Variants in LRP1 observed in about 807,000 individuals in gnomAD.
The protein encoded by LRP1 is prolow-density lipoprotein receptor-related protein 1.
In LRP1, 51 loss-of-function variants were observed where a neutral mutation model predicts 541.5. The observed-to-expected ratio is 0.09, with a 90% CI of 0.08 to 0.12. The LOEUF (loss-of-function observed/expected upper bound fraction) is 0.12, where lower values mean the gene tolerates loss of function less well. Among genes scored for constraint, LRP1 ranks in the 10% least tolerant of loss-of-function variants. The pLI, the probability that LRP1 is intolerant of heterozygous loss-of-function variation, is 1.00. For synonymous variants in LRP1, 2,219 were observed against 2,470.8 expected (o/e 0.90, Z 3.02); for missense variants, 3,878 against 6,376.2 (o/e 0.61, Z 13.34).
rs759708060 is a variant in LRP1 at position 57,195,393 on chromosome 12, G to A, written c.8431G>A (p.Gly2811Ser). 3 of 1,606,584 alleles carry A rather than the reference G, an allele frequency of 1.9e-6. No individual in the cohort carries two copies. The highest frequency in any genetic ancestry group is 2.2e-5 in the South Asian group (2 of 91,060). Residue 2811 changes from glycine (G) to serine (S), a missense_variant, in exon 52 of 89, where the codon GGT (glycine) becomes AGT (serine). Gly to Ser is a moderately conservative substitution (Grantham distance 56). Coordinates refer to ENST00000243077, the MANE Select transcript of LRP1 (RefSeq NM_002332.3). ...TGGTGCAGACGAGAGCATCGCAGCT[G>A]GTTGCTGTGAGTGGCGGGGCCACGT... ...ADGADESIAA[G>S]CLYNSTCDDR...
Position 57,194,461 on chromosome 12 carries a change from G to A in LRP1, c.8026G>A (p.Ala2676Thr), listed in dbSNP as rs753357317. The change falls in exon 49 of 89, where the codon GCC (alanine) becomes ACC (threonine). Residue 2676 changes from alanine (A) to threonine (T), a missense_variant. This residue lies in a region of LRP1 where 1,100 missense variants were observed against 1,827.4 expected (regional missense o/e 0.60). Coordinates refer to ENST00000243077, the MANE Select transcript of LRP1 (RefSeq NM_002332.3). ...CYAPSWVCDG[A>T]NDCGDYSDER... is the part of the protein sequence containing the mutation. ...CGCACCCAGCTGGGTGTGTGATGGCGCCAATGACTGTGGGGACTACAGTGA... is the reference window on the plus strand; with the variant it reads ...CGCACCCAGCTGGGTGTGTGATGGCACCAATGACTGTGGGGACTACAGTGA... 3.5e-5 allele frequency: 55 copies of A among 1,572,748 alleles called. No individual in the cohort carries two copies. The highest frequency in any genetic ancestry group is 4.6e-5 in the Non-Finnish European group (53 of 1,158,244).
chr12:57,175,970 C>T lies in LRP1; in HGVS notation c.3855C>T (p.His1285=). ...ATGAAATCCGGCGCATCGATCTTCACAAAGGAGACTACAGCGTCCTGGTGC... is the reference window on the plus strand; with the variant it reads ...ATGAAATCCGGCGCATCGATCTTCATAAAGGAGACTACAGCGTCCTGGTGC... ...NRHEIRRIDL[H]KGDYSVLVPG... The change falls in exon 24 of 89, where the codon CAC becomes CAT. Residue 1285 remains histidine (H), a synonymous_variant. Transcript: ENST00000243077. The T allele has an allele frequency of 6.2e-7, 1 of 1,614,264 alleles. No homozygotes were observed.
chr12:57,167,580 A>C, intron 19 of LRP1, 56 bp downstream of exon 19: 2 of 1,457,500 alleles, frequency 1.4e-6, no homozygotes, highest in Non-Finnish European at 1.9e-6. Flanking sequence ...GGCTACAGCC[A>C]GGCCCTCCAG....
At position 57,205,583 on chromosome 12, in the gene LRP1, C is replaced by T. The variant is rs138700045; in HGVS notation, c.11496C>T (p.Gly3832=). The T allele has an allele frequency of 3.3e-4, 537 of 1,614,014 alleles. No individual in the cohort carries two copies. In the African/African-American group the frequency reaches 6.6e-3, roughly 20 times the overall value. The change falls in exon 75 of 89, where the codon GGC becomes GGT. Residue 3832 remains glycine (G), a synonymous_variant. Transcript: ENST00000243077. The surrounding 1 kb of genome is among the most constrained non-coding windows in gnomAD (Gnocchi z 4.6). ...ACATCAACGAGTGCCTGCGCTTCGGCACCTGCTCCCAGCTCTGCAACAACA... is the reference window on the plus strand; with the variant it reads ...ACATCAACGAGTGCCTGCGCTTCGGTACCTGCTCCCAGCTCTGCAACAACA... ...CQDINECLRF[G]TCSQLCNNTK...
At chr12:57,191,972 CATGACACAT>C (rs2036415033) in intron 44 of LRP1, among the ~76,000 whole-genome samples, 21 of 75,604 alleles carry the variant, frequency 2.8e-4, no homozygotes, top group South Asian at 5.0e-4. Flanking sequence ...ACACACCACA[CATGACACAT>C]ACACACCACA....
Position 57,204,696 on chromosome 12 carries a change from G to A in LRP1, c.11141G>A (p.Arg3714His), listed in dbSNP as rs768578558. Residue 3714 changes from arginine to histidine, a missense_variant, in exon 72 of 89, where the codon CGC (arginine) becomes CAC (histidine). By Grantham distance (29) the Arg-to-His change is conservative. Around this residue, in one of 13 missense-constraint regions of LRP1, gnomAD observed 871 missense variants for 1,212.4 expected, o/e 0.72. Transcript: ENST00000243077. The surrounding 1 kb of genome is among the most constrained non-coding windows in gnomAD (Gnocchi z 5.3). ...GACCGCGTCTGTCTGTGGATCGGGC[G>A]CCAATGCGATGGCACGGACAACTGT... ...KNDRVCLWIG[R>H]QCDGTDNCGD... is the part of the protein sequence containing the mutation. 2.3e-5 allele frequency: 37 copies of A among 1,614,046 alleles called. No homozygotes were observed. The highest frequency in any genetic ancestry group is 2.8e-5 in the Non-Finnish European group (33 of 1,180,010).
Position 57,165,992 on chromosome 12 carries a change from G to A in LRP1, c.2671+47G>A, listed in dbSNP as rs1432362112. On this transcript the variant is annotated intron_variant, in intron 16 of 88. Coordinates refer to ENST00000243077, the MANE Select transcript of LRP1 (RefSeq NM_002332.3). This position sits in a 1 kb window ranked among gnomAD's most constrained non-coding sequence, Gnocchi z 4.5. ...ACCCTGTTGGATGGCAGGCCTGCAGGGCAGCTCGGCTCTGGCAGTGCCTAT... is the reference window on the plus strand; with the variant it reads ...ACCCTGTTGGATGGCAGGCCTGCAGAGCAGCTCGGCTCTGGCAGTGCCTAT... 1 of 1,612,380 alleles carries A rather than the reference G, an allele frequency of 6.2e-7. No homozygotes were observed. Among genetic ancestry groups the A allele is most frequent in the East Asian group, 2.2e-5 (1 of 44,838 alleles).
At position 57,154,045 on chromosome 12, in the gene LRP1, G is replaced by C. The variant is rs572888478; in HGVS notation, c.842-163G>C. ...AGTCAACCAGCCAGCCAGCATTTAC[G>C]CAAGCCCTCCTGTATATCCACTCTG... On this transcript the variant is annotated intron_variant, in intron 6 of 88. Transcript: ENST00000243077. This position sits in a 1 kb window ranked among gnomAD's most constrained non-coding sequence, Gnocchi z 4.6. Among the ~76,000 whole-genome samples, 3 of 152,116 alleles carry C rather than the reference G, an allele frequency of 2.0e-5. No homozygotes were observed.
In LRP1 at chr12:57,166,973, C is replaced by T; in HGVS notation, c.2841C>T (p.Arg947=). The T allele has an allele frequency of 1.9e-6, 3 of 1,614,196 alleles. No homozygotes were observed. Among genetic ancestry groups the T allele is most frequent in the Non-Finnish European group, 2.5e-6 (3 of 1,180,024 alleles). The change falls in exon 18 of 89, where the codon CGC becomes CGT. Residue 947 remains arginine (R), a synonymous_variant. Coordinates refer to ENST00000243077, the MANE Select transcript of LRP1 (RefSeq NM_002332.3). Reference sequence around the variant, plus strand: ...ACCAGTTCTCCTGTGCCAGTGGCCGCTGCATCCCCATCTCCTGGACGTGTG... The same window carrying T: ...ACCAGTTCTCCTGTGCCAGTGGCCGTTGCATCCCCATCTCCTGGACGTGTG... ...PPNQFSCASG[R]CIPISWTCDL...
intron 77 of LRP1, 163 bp downstream of exon 77, chr12:57,208,379 C>T (rs2036833224): frequency 2.7e-6 from 2 of 740,042 alleles, no homozygotes; most frequent in East Asian, 5.4e-5. Context: ...GCCTGGCCCT[C>T]CCCATGCTGC....
chr12:57,160,747 T>C, intron 12 of LRP1, 146 bp from the exon 13 acceptor site: 2 of 617,188 alleles, frequency 3.2e-6, no homozygotes, highest in Non-Finnish European at 2.9e-6. Flanking sequence ...TTGAATGGAG[T>C]GAATGAATGA....
Position 57,162,242 on chromosome 12 carries a change from A to G in LRP1, c.2203-75A>G, listed in dbSNP as rs1028619259. The G allele has an allele frequency of 1.6e-6, 2 of 1,237,200 alleles. No homozygotes were observed. Among genetic ancestry groups the G allele is most frequent in the Non-Finnish European group, 2.4e-6 (2 of 841,060 alleles). 76.6% of individuals were successfully genotyped at this position (1,237,200 alleles called of 1,614,324 possible). The stretch of plus-strand genomic sequence containing the variant: ...CCATGCCCAGGACATAGACAAATGA[A>G]TGTACAAAACAGTGATCTCACAGGC... On this transcript the variant is annotated intron_variant, in intron 13 of 88. Coordinates refer to ENST00000243077, the MANE Select transcript of LRP1 (RefSeq NM_002332.3). This position sits in a 1 kb window ranked among gnomAD's most constrained non-coding sequence, Gnocchi z 5.2.
chr12:57,149,389 C>T (rs1308847902), intron 6 of LRP1: 1 of 546,934 alleles, frequency 1.8e-6, no homozygotes, highest in Non-Finnish European at 3.2e-6. Context: ...AGCCCTGTGT[C>T]TCCCGGCCCA....
Position 57,212,686 on chromosome 12 carries a change from AT to A in LRP1, c.*135del. The A allele has an allele frequency of 2.0e-6, 2 of 992,802 alleles. No homozygotes were observed. Among genetic ancestry groups the A allele is most frequent in the Non-Finnish European group, 2.9e-6 (2 of 694,570 alleles). The allele number at this position is 992,802 out of a possible 1,614,324, so 61.5% of individuals were successfully genotyped here. Reference sequence around the variant, plus strand: ...ATAAATGTAAAAATGAAGGAATTACATTTTATATGTGAGCGAGCAAGCCGGC... The same window carrying A: ...ATAAATGTAAAAATGAAGGAATTACATTTATATGTGAGCGAGCAAGCCGGC... On this transcript the variant is annotated 3_prime_UTR_variant, in exon 89 of 89. Transcript: ENST00000243077. The surrounding 1 kb of genome is among the most constrained non-coding windows in gnomAD (Gnocchi z 5.0).
rs758128163 is a variant in LRP1, at chr12:57,166,948, A to G, written c.2816A>G (p.Asn939Ser). The G allele has an allele frequency of 3.3e-5, 53 of 1,613,594 alleles. No homozygotes were observed. The highest frequency in any genetic ancestry group is 4.2e-5 in the Non-Finnish European group (50 of 1,179,658). Reference sequence around the variant, plus strand: ...CCCCCAGCCCGCACCTGCCCCCCCAACCAGTTCTCCTGTGCCAGTGGCCGC... The same window carrying G: ...CCCCCAGCCCGCACCTGCCCCCCCAGCCAGTTCTCCTGTGCCAGTGGCCGC... ...ATCSARTCPP[N>S]QFSCASGRCI... The change falls in exon 18 of 89, where the codon AAC becomes AGC. Residue 939 changes from asparagine (N) to serine (S), a missense_variant. Around this residue, in one of 13 missense-constraint regions of LRP1, gnomAD observed 29 missense variants for 20.7 expected, o/e 1.40. Transcript: ENST00000243077.
intron 15 of LRP1, 105 bp downstream of exon 15, chr12:57,163,088 C>A: frequency 1.4e-6 from 2 of 1,429,472 alleles, no homozygotes; most frequent in South Asian, 1.4e-5. Context: ...ATTAAGGAGG[C>A]AATGAGGGGC....
In LRP1 at chr12:57,205,144, A is replaced by C; in HGVS notation, c.11230A>C (p.Lys3744Gln). 6.2e-7 allele frequency: 1 copy of C among 1,613,936 alleles called. No individual in the cohort carries two copies. The highest frequency in any genetic ancestry group is 1.1e-5 in the South Asian group (1 of 91,078). The change falls in exon 73 of 89, where the codon AAG (lysine) becomes CAG (glutamine). Residue 3744 changes from lysine (K) to glutamine (Q), a missense_variant. Transcript: ENST00000243077. The surrounding 1 kb of genome is among the most constrained non-coding windows in gnomAD (Gnocchi z 4.6). Reference protein sequence around the residue: ...PTAHTTHCKDKKEFLCRNQRC... With the variant: ...PTAHTTHCKDQKEFLCRNQRC... ...AGCCCACACCACCCACTGCAAAGAC[A>C]AGAAGGAGTTTCTGTGCCGGAACCA...
At chr12:57,129,176 G>A in intron 1 of LRP1, 145 bp downstream of exon 1, 1 of 848,944 alleles carries the variant, frequency 1.2e-6, no homozygotes, top group Non-Finnish European at 1.9e-6. Flanking sequence ...GCCCGACTGG[G>A]GGCGGGGATG....
In LRP1 at chr12:57,179,540, G is replaced by A. The variant is rs764580392; in HGVS notation, c.4950G>A (p.Glu1650=). The change falls in exon 29 of 89, where the codon GAG becomes GAA. Residue 1650 remains glutamate, a synonymous_variant. Transcript: ENST00000243077. The surrounding 1 kb of genome is among the most constrained non-coding windows in gnomAD (Gnocchi z 6.8). The part of the protein sequence containing the change: ...KRAFINGTGV[E]TVVSADLPNA... ...CCTTCATCAACGGCACAGGCGTGGA[G>A]ACAGTCGTCTCTGCAGGTTCTTCCT... 13 of 1,613,916 alleles carry A rather than the reference G, an allele frequency of 8.1e-6. No individual in the cohort carries two copies. In the East Asian group the frequency reaches 2.7e-4, roughly 33 times the overall value.
Sources: allele counts gnomAD v4.1 joint callset (sites outside exome capture counted in the v4.1 genomes callset), GRCh38; gene constraint gnomAD v4.1.1; regional missense constraint gnomAD v4.1.1; non-coding constraint Gnocchi (gnomAD v3.1); transcripts MANE v1.5; gene names NCBI Gene and HGNC (gene_info 2026-07-23, HGNC 2026-07-21).